SDK1: variants seen among roughly 807,000 people sequenced by gnomAD.
The protein encoded by SDK1 is protein sidekick-1.
Under a neutral mutation model 245.5 loss-of-function variants are expected in SDK1, and 157 were observed. The observed-to-expected ratio is 0.64, with a 90% CI of 0.56 to 0.73. The LOEUF (loss-of-function observed/expected upper bound fraction) is 0.73. Ranked by LOEUF, SDK1 falls within the 30% of genes least tolerant of loss-of-function variation. The probability of loss-of-function intolerance (pLI) is 0.00; values close to 1 mark genes in which losing one functional copy is unlikely to be tolerated. For synonymous variants in SDK1, 1,647 were observed against 1,278.5 expected (o/e 1.29, Z -6.15); for missense variants, 3,583 against 3,002.3 (o/e 1.19, Z -4.52).
At chr7:3,722,625 G>A (rs1053443486) in intron 4 of SDK1, among the ~76,000 whole-genome samples, 2 of 152,164 alleles carry the variant, frequency 1.3e-5, no homozygotes, top group African/African-American at 2.4e-5. Flanking sequence ...CCGGACACAC[G>A]GGGTGCTTAT....
At chr7:4,152,829 A>G (rs987756857) in intron 30 of SDK1, among the ~76,000 whole-genome samples, 3 of 152,164 alleles carry the variant, frequency 2.0e-5, no homozygotes, top group Non-Finnish European at 4.4e-5. Flanking sequence ...TAAATGTCTC[A>G]ATTTGGTGAC....
chr7:4,234,614 A>C (rs1432212014), intron 41 of SDK1, among the ~76,000 whole-genome samples: 1 of 152,162 alleles, frequency 6.6e-6, no homozygotes, highest in African/African-American at 2.4e-5. Flanking sequence ...GTGGCCCCCC[A>C]GCCCCCCATG....
At chr7:4,180,246 C>T (rs998576736) in intron 35 of SDK1, among the ~76,000 whole-genome samples, 6 of 149,896 alleles carry the variant, frequency 4.0e-5, no homozygotes, top group African/African-American at 1.2e-4. Flanking sequence ...GCTCTATGCC[C>T]AGTGCCCGGC....
chr7:3,490,577 T>G (rs76740120), intron 1 of SDK1, among the ~76,000 whole-genome samples: 1 of 152,250 alleles, frequency 6.6e-6, no homozygotes, highest in Admixed American at 6.5e-5. Context: ...TTCTGTGACT[T>G]CCCGCCACTT....
At chr7:4,047,620 G>A (rs1265586513) in intron 17 of SDK1, among the ~76,000 whole-genome samples, 2 of 152,256 alleles carry the variant, frequency 1.3e-5, no homozygotes, top group Non-Finnish European at 2.9e-5. Context: ...GTCCTCTCTT[G>A]TAGCTCACAT....
chr7:3,530,802 T>C (rs1783318159), intron 1 of SDK1, among the ~76,000 whole-genome samples: 1 of 152,226 alleles, frequency 6.6e-6, no homozygotes, highest in Non-Finnish European at 1.5e-5. Context: ...GTCTTTGAAT[T>C]TCATCTGTGA....
At chr7:3,433,825 A>G (rs1779937435) in intron 1 of SDK1, among the ~76,000 whole-genome samples, 1 of 152,234 alleles carries the variant, frequency 6.6e-6, no homozygotes, top group South Asian at 2.1e-4. Context: ...CAAGCTTGAC[A>G]ACCTTACAGA....
chr7:3,640,832 C>T (rs10280102), intron 3 of SDK1, among the ~76,000 whole-genome samples: 45,373 of 151,668 alleles, frequency 0.3, 7,002 homozygotes, highest in South Asian at 0.45. Flanking sequence ...TACAGGCACC[C>T]ACCACCACAC....
chr7:4,145,846 G>C lies in SDK1; in HGVS notation c.4353G>C (p.Arg1451Ser), dbSNP rs776743996. 1 of 1,613,820 alleles carries C rather than the reference G, an allele frequency of 6.2e-7. No homozygotes were observed. The highest frequency in any genetic ancestry group is 1.1e-5 in the South Asian group (1 of 91,052). Residue 1451 changes from arginine (R) to serine (S), a missense_variant, in exon 29 of 45, where the codon AGG becomes AGC. Coordinates refer to ENST00000404826, the MANE Select transcript of SDK1 (RefSeq NM_152744.4). ...CCCCGGAGTCCGCATACATCTTCAGGCTGTCCGCCAAGACGAGGCAGGGCT... is the reference window on the plus strand; with the variant it reads ...CCCCGGAGTCCGCATACATCTTCAGCCTGTCCGCCAAGACGAGGCAGGGCT... Reference protein sequence around the residue: ...DLAPESAYIFRLSAKTRQGWG... With the variant: ...DLAPESAYIFSLSAKTRQGWG...
intron 5 of SDK1, among the ~76,000 whole-genome samples, chr7:3,885,793 CTT>C (rs543745373): frequency 4.4e-4 from 67 of 152,348 alleles, no homozygotes; most frequent in African/African-American, 1.6e-3. Flanking sequence ...TTTCCCTTCT[CTT>C]GTTTCCTCCC....
chr7:3,853,668 C>T (rs940913221), intron 5 of SDK1, among the ~76,000 whole-genome samples: 1 of 152,058 alleles, frequency 6.6e-6, no homozygotes, highest in African/African-American at 2.4e-5. Flanking sequence ...AGTGAGCTTT[C>T]CTTTGAGCAT....
intron 8 of SDK1, among the ~76,000 whole-genome samples, chr7:3,961,547 G>C (rs775217151): frequency 2.6e-5 from 4 of 152,220 alleles, no homozygotes; most frequent in Non-Finnish European, 5.9e-5. Context: ...GAGATCTAGA[G>C]CTAAGTGTAG....
At chr7:4,220,714 G>C (rs974930273) in intron 39 of SDK1, among the ~76,000 whole-genome samples, 3 of 152,046 alleles carry the variant, frequency 2.0e-5, no homozygotes, top group African/African-American at 4.8e-5. Flanking sequence ...CTTAGTCCCG[G>C]GCACAGTGTG....
chr7:4,053,691 C>G (rs953721891), intron 19 of SDK1, among the ~76,000 whole-genome samples: 1 of 152,080 alleles, frequency 6.6e-6, no homozygotes, highest in Admixed American at 6.6e-5. Flanking sequence ...GCCATTGACT[C>G]AAGGTCTATG....
intron 5 of SDK1, among the ~76,000 whole-genome samples, chr7:3,903,438 GC>G (rs987447557): frequency 6.2e-4 from 94 of 152,184 alleles, no homozygotes; most frequent in African/African-American, 2.2e-3. Context: ...GAGCCACCGC[GC>G]CCGGCCGACA....
chr7:3,703,487 A>G (rs915809291), intron 4 of SDK1, among the ~76,000 whole-genome samples: 2 of 152,228 alleles, frequency 1.3e-5, no homozygotes, highest in East Asian at 1.9e-4. Flanking sequence ...CTATTAGAGT[A>G]GCAAGAGGGA....
At chr7:3,480,538 C>G (rs1472996500) in intron 1 of SDK1, among the ~76,000 whole-genome samples, 4 of 152,194 alleles carry the variant, frequency 2.6e-5, no homozygotes, top group African/African-American at 9.7e-5. Context: ...GCTGCCTGCC[C>G]ATGGACACTT....
chr7:3,333,059 T>G (rs1780110570), intron 1 of SDK1, among the ~76,000 whole-genome samples: 1 of 152,164 alleles, frequency 6.6e-6, no homozygotes, highest in African/African-American at 2.4e-5. Flanking sequence ...AAGCTGCTAC[T>G]TGGGGCATTG....
At chr7:3,481,524 C>G (rs1485558739) in intron 1 of SDK1, among the ~76,000 whole-genome samples, 3 of 152,232 alleles carry the variant, frequency 2.0e-5, no homozygotes, top group Non-Finnish European at 2.9e-5. Context: ...TGGCTACCAA[C>G]TGGGTCCAGC....
Sources: gnomAD v4.1 joint callset for allele counts (sites outside exome capture counted in the v4.1 genomes callset) on GRCh38, gnomAD v4.1.1 for gene constraint, MANE v1.5 for transcripts, NCBI Gene and HGNC (gene_info 2026-07-23, HGNC 2026-07-21) for gene names.